Variants in KLHDC7A observed in about 807,000 individuals in gnomAD.
KLHDC7A encodes kelch domain-containing protein 7A.
For missense variants in KLHDC7A, 1,123 were observed against 1,052.6 expected (o/e 1.07, Z -0.93); for synonymous variants, 464 against 461.0 (o/e 1.01, Z -0.08).
At position 18,482,671 on chromosome 1, in the gene KLHDC7A, C is replaced by T. The variant is rs776109893; in HGVS notation, c.1690C>T (p.Pro564Ser). ...CTCCAGCCGCGTCTTCTGCTACAAC[C>T]CGCTCACGGGGATCTGGAGCGAGGT... ...QPSSRVFCYN[P>S]LTGIWSEVCP... The change falls in exon 1 of 1, where the codon CCG becomes TCG. Residue 564 changes from proline (P) to serine (S), a missense_variant. Pro to Ser is a moderately conservative substitution (Grantham distance 74). Coordinates refer to ENST00000400664, the MANE Select transcript of KLHDC7A (RefSeq NM_152375.3). The T allele has an allele frequency of 3.1e-6, 5 of 1,608,974 alleles. No homozygotes were observed. In the Admixed American group the frequency reaches 6.7e-5, roughly 21 times the overall value.
In KLHDC7A at chr1:18,483,358, G is replaced by A. The variant is rs370110689; in HGVS notation, c.*43G>A. On this transcript the variant is annotated 3_prime_UTR_variant, in exon 1 of 1. Transcript: ENST00000400664. Reference sequence around the variant, plus strand: ...TCCTCATGCAAAGCTGGGGGCCACCGGGCTCCACTGCCAGCCGTCCCTCTG... The same window carrying A: ...TCCTCATGCAAAGCTGGGGGCCACCAGGCTCCACTGCCAGCCGTCCCTCTG... 477 of 1,580,290 alleles carry A rather than the reference G, an allele frequency of 3.0e-4. 1 individual carries two copies. Among genetic ancestry groups the A allele is most frequent in the African/African-American group, 2.3e-4 (17 of 74,294 alleles).
At position 18,482,829 on chromosome 1, in the gene KLHDC7A, G is replaced by T. The variant is rs1179415716; in HGVS notation, c.1848G>T (p.Pro616=). 1 of 1,610,722 alleles carries T rather than the reference G, an allele frequency of 6.2e-7. No homozygotes were observed. Among genetic ancestry groups the T allele is most frequent in the South Asian group, 1.1e-5 (1 of 90,882 alleles). The part of the protein sequence containing the change: ...DPRLDRWDFA[P]PLPSDTFALA... ...GCCTGGACCGCTGGGACTTTGCCCC[G>T]CCGCTCCCCAGTGACACGTTCGCCC... The change falls in exon 1 of 1, where the codon CCG becomes CCT. Residue 616 remains proline (P), a synonymous_variant. Transcript: ENST00000400664.
In KLHDC7A at chr1:18,482,959, G is replaced by C; in HGVS notation, c.1978G>C (p.Gly660Arg). ...TGCGCAGGAGCAGCGCTGGTGGGCCGGCCCCACCGGGGGCAGCAAGGACCG... is the reference window on the plus strand; with the variant it reads ...TGCGCAGGAGCAGCGCTGGTGGGCCCGCCCCACCGGGGGCAGCAAGGACCG... ...FSAQEQRWWA[G>R]PTGGSKDRTA... The change falls in exon 1 of 1, where the codon GGC becomes CGC. Residue 660 changes from glycine to arginine, a missense_variant. Physicochemically the swap from Gly to Arg is moderately radical, Grantham distance 125. Coordinates refer to ENST00000400664, the MANE Select transcript of KLHDC7A (RefSeq NM_152375.3). 2 of 1,612,314 alleles carry C rather than the reference G, an allele frequency of 1.2e-6. No individual in the cohort carries two copies. Among genetic ancestry groups the C allele is most frequent in the Non-Finnish European group, 1.7e-6 (2 of 1,179,712 alleles).
chr1:18,482,967 C>T lies in KLHDC7A; in HGVS notation c.1986C>T (p.Thr662=), dbSNP rs142912179. The T allele has an allele frequency of 9.9e-6, 16 of 1,612,492 alleles. No individual in the cohort carries two copies. In the African/African-American group the frequency reaches 1.3e-4, roughly 13 times the overall value. Residue 662 remains threonine, a synonymous_variant, in exon 1 of 1, where the codon ACC becomes ACT. Coordinates refer to ENST00000400664, the MANE Select transcript of KLHDC7A (RefSeq NM_152375.3). The part of the protein sequence containing the change: ...AQEQRWWAGP[T]GGSKDRTAEM... ...AGCAGCGCTGGTGGGCCGGCCCCAC[C>T]GGGGGCAGCAAGGACCGCACGGCCG...
Position 18,482,096 on chromosome 1 carries a change from A to G in KLHDC7A, c.1115A>G (p.Asn372Ser), listed in dbSNP as rs1569987713. Residue 372 changes from asparagine to serine, a missense_variant, in exon 1 of 1, where the codon AAC becomes AGC. Asn to Ser is a conservative substitution (Grantham distance 46). Transcript: ENST00000400664. ...RKESLLQIAE[N>S]PELQLQPDGF... The stretch of plus-strand genomic sequence containing the variant: ...GAGAGCCTTCTGCAGATAGCGGAGA[A>G]CCCAGAGCTGCAGCTGCAGCCAGAT... 6.2e-7 allele frequency: 1 copy of G among 1,612,232 alleles called. No individual in the cohort carries two copies. The highest frequency in any genetic ancestry group is 8.5e-7 in the Non-Finnish European group (1 of 1,179,474).
In KLHDC7A at chr1:18,482,002, G is replaced by A; in HGVS notation, c.1021G>A (p.Gly341Ser). Reference protein sequence around the residue: ...ASGGQAGDTKGAAERAASPQT... With the variant: ...ASGGQAGDTKSAAERAASPQT... ...GGGAGGCCAAGCCGGTGACACAAAG[G>A]GTGCAGCCGAAAGAGCCGCCTCCCC... The change falls in exon 1 of 1, where the codon GGT (glycine) becomes AGT (serine). Residue 341 changes from glycine to serine, a missense_variant. By Grantham distance (56) the Gly-to-Ser change is moderately conservative. Transcript: ENST00000400664. The A allele has an allele frequency of 6.2e-7, 1 of 1,612,944 alleles. No homozygotes were observed. The highest frequency in any genetic ancestry group is 1.7e-4 in the Middle Eastern group (1 of 6,060).
At position 18,481,445 on chromosome 1, in the gene KLHDC7A, C is replaced by A. The variant is rs2086888469; in HGVS notation, c.464C>A (p.Pro155His). 1.2e-6 allele frequency: 2 copies of A among 1,613,840 alleles called. No homozygotes were observed. Among genetic ancestry groups the A allele is most frequent in the Non-Finnish European group, 1.7e-6 (2 of 1,180,036 alleles). The change falls in exon 1 of 1, where the codon CCT becomes CAT. Residue 155 changes from proline to histidine, a missense_variant. Coordinates refer to ENST00000400664, the MANE Select transcript of KLHDC7A (RefSeq NM_152375.3). The stretch of plus-strand genomic sequence containing the variant: ...ACAGCTGTTGGCAGTAACCCTGACC[C>A]TCCCCATTTCCCCCGCTTGGGCAGC... ...TRTAVGSNPD[P>H]PHFPRLGSEP...
At position 18,481,057 on chromosome 1, in the gene KLHDC7A, G is replaced by C; in HGVS notation, c.76G>C (p.Ala26Pro). The C allele has an allele frequency of 6.2e-7, 1 of 1,613,562 alleles. No homozygotes were observed. Among genetic ancestry groups the C allele is most frequent in the Non-Finnish European group, 8.5e-7 (1 of 1,179,766 alleles). The change falls in exon 1 of 1, where the codon GCT becomes CCT. Residue 26 changes from alanine (A) to proline (P), a missense_variant. Coordinates refer to ENST00000400664, the MANE Select transcript of KLHDC7A (RefSeq NM_152375.3). ...QLTGKVVLSA[A>P]ALLLVTVAYR... ...GACCGGCAAGGTGGTGCTGTCAGCC[G>C]CTGCCCTGCTCCTGGTGACTGTGGC...
At position 18,484,988 on chromosome 1, in the gene KLHDC7A, T is replaced by C. The variant is rs1235219990; in HGVS notation, c.*1673T>C. The C allele has an allele frequency of 6.0e-6, 1 of 167,114 alleles. No individual in the cohort carries two copies. Among genetic ancestry groups the C allele is most frequent in the Non-Finnish European group, 1.5e-5 (1 of 68,172 alleles). 10.4% of individuals were successfully genotyped at this position (167,114 alleles called of 1,614,324 possible). ...AGGAAGGGAAAGTCAGCTGGGGCCA[T>C]GGCTACCTTCTTGGGAGAGTGACCC... On this transcript the variant is annotated 3_prime_UTR_variant, in exon 1 of 1. Coordinates refer to ENST00000400664, the MANE Select transcript of KLHDC7A (RefSeq NM_152375.3).
rs781222800 is a variant in KLHDC7A, at chr1:18,482,633, C to T, written c.1652C>T (p.Pro551Leu). ...TTCGTGGTGTCCGGCTGCCAGGGGC[C>T]CGGGCACCAGCCCTCCAGCCGCGTC... ...YLFVVSGCQG[P>L]GHQPSSRVFC... The change falls in exon 1 of 1, where the codon CCC becomes CTC. Residue 551 changes from proline to leucine, a missense_variant. By Grantham distance (98) the Pro-to-Leu change is moderately conservative. Transcript: ENST00000400664. 1 of 1,608,834 alleles carries T rather than the reference C, an allele frequency of 6.2e-7. No homozygotes were observed. The highest frequency in any genetic ancestry group is 1.1e-5 in the South Asian group (1 of 90,966).
rs747089231 is a variant in KLHDC7A at position 18,482,463 on chromosome 1, G to A, written c.1482G>A (p.Leu494=). The change falls in exon 1 of 1, where the codon CTG becomes CTA. Residue 494 remains leucine (L), a synonymous_variant. Transcript: ENST00000400664. ...LQRRLRGRQY[L]VVADVCPKED... ...GCCGGCTCCGGGGCCGCCAGTACCT[G>A]GTGGTGGCTGACGTGTGCCCCAAGG... 5.0e-6 allele frequency: 8 copies of A among 1,611,048 alleles called. No individual in the cohort carries two copies. The East Asian group carries it at 1.3e-4, about 27-fold the overall frequency.
chr1:18,483,097 G>A lies in KLHDC7A; in HGVS notation c.2116G>A (p.Ala706Thr), dbSNP rs370691592. ...CAGCACCCGGCTCTGGTACGAGTGC[G>A]CCACGTACCGGACGCCTTACCCGGA... is the stretch of plus-strand genomic sequence containing the variant. ...SASTRLWYECATYRTPYPDAF... is the reference protein window; with the variant it reads ...SASTRLWYECTTYRTPYPDAF... Residue 706 changes from alanine (A) to threonine (T), a missense_variant, in exon 1 of 1, where the codon GCC (alanine) becomes ACC (threonine). Physicochemically the swap from Ala to Thr is moderately conservative, Grantham distance 58. Transcript: ENST00000400664. 5 of 1,613,666 alleles carry A rather than the reference G, an allele frequency of 3.1e-6. No homozygotes were observed. The African/African-American group carries it at 4.0e-5, about 13-fold the overall frequency.
Position 18,481,661 on chromosome 1 carries a change from G to T in KLHDC7A, c.680G>T (p.Arg227Leu). The T allele has an allele frequency of 6.2e-7, 1 of 1,614,094 alleles. No homozygotes were observed. The highest frequency in any genetic ancestry group is 8.5e-7 in the Non-Finnish European group (1 of 1,180,032). The change falls in exon 1 of 1, where the codon CGT (arginine) becomes CTT (leucine). Residue 227 changes from arginine (R) to leucine (L), a missense_variant. Physicochemically the swap from Arg to Leu is moderately radical, Grantham distance 102. Transcript: ENST00000400664. ...SDMNQSWVFT[R>L]VIGVSREEAG... ...ATGAACCAGAGCTGGGTCTTCACCC[G>T]TGTGATAGGGGTCAGCAGAGAAGAG...
In KLHDC7A at chr1:18,481,456, C is replaced by T. The variant is rs185173811; in HGVS notation, c.475C>T (p.Pro159Ser). Residue 159 changes from proline (P) to serine (S), a missense_variant, in exon 1 of 1, where the codon CCC becomes TCC. Physicochemically the swap from Pro to Ser is moderately conservative, Grantham distance 74. Coordinates refer to ENST00000400664, the MANE Select transcript of KLHDC7A (RefSeq NM_152375.3). ...CAGTAACCCTGACCCTCCCCATTTC[C>T]CCCGCTTGGGCAGCGAACCGAAGAG... Reference protein sequence around the residue: ...VGSNPDPPHFPRLGSEPKSSP... With the variant: ...VGSNPDPPHFSRLGSEPKSSP... 1 of 1,613,770 alleles carries T rather than the reference C, an allele frequency of 6.2e-7. No homozygotes were observed. The highest frequency in any genetic ancestry group is 1.7e-5 in the Admixed American group (1 of 60,028).
In KLHDC7A at chr1:18,482,969, G is replaced by T. The variant is rs745394300; in HGVS notation, c.1988G>T (p.Gly663Val). Residue 663 changes from glycine (G) to valine (V), a missense_variant, in exon 1 of 1, where the codon GGG becomes GTG. By Grantham distance (109) the Gly-to-Val change is moderately radical. Coordinates refer to ENST00000400664, the MANE Select transcript of KLHDC7A (RefSeq NM_152375.3). ...QEQRWWAGPT[G>V]GSKDRTAEMV... is the part of the protein sequence containing the mutation. The stretch of plus-strand genomic sequence containing the variant: ...CAGCGCTGGTGGGCCGGCCCCACCG[G>T]GGGCAGCAAGGACCGCACGGCCGAG... 3.7e-6 allele frequency: 6 copies of T among 1,612,728 alleles called. No individual in the cohort carries two copies. In the South Asian group the frequency reaches 5.5e-5, roughly 15 times the overall value.
At position 18,482,693 on chromosome 1, in the gene KLHDC7A, AG is replaced by A; in HGVS notation, c.1714del (p.Val572CysfsTer4). The A allele has an allele frequency of 6.2e-7, 1 of 1,609,664 alleles. No individual in the cohort carries two copies. The highest frequency in any genetic ancestry group is 8.5e-7 in the Non-Finnish European group (1 of 1,179,330). On this transcript the variant is annotated frameshift_variant, in exon 1 of 1. Coordinates refer to ENST00000400664, the MANE Select transcript of KLHDC7A (RefSeq NM_152375.3). LOFTEE classifies it low-confidence loss of function (END_TRUNC). ...AACCCGCTCACGGGGATCTGGAGCG[AG>A]GTGTGCCCGCTGAACCAGGCCCGGC... ...CYNPLTGIWS[E>X]VCPLNQARPH...
chr1:18,481,042 G>A lies in KLHDC7A; in HGVS notation c.61G>A (p.Val21Met). Residue 21 changes from valine to methionine, a missense_variant, in exon 1 of 1, where the codon GTG becomes ATG. Transcript: ENST00000400664. ...TTTGGATATGCAGCTGACCGGCAAGGTGGTGCTGTCAGCCGCTGCCCTGCT... is the reference window on the plus strand; with the variant it reads ...TTTGGATATGCAGCTGACCGGCAAGATGGTGCTGTCAGCCGCTGCCCTGCT... ...WHLDMQLTGKVVLSAAALLLV... is the reference protein window; with the variant it reads ...WHLDMQLTGKMVLSAAALLLV... 6.2e-7 allele frequency: 1 copy of A among 1,612,992 alleles called. No homozygotes were observed. Among genetic ancestry groups the A allele is most frequent in the Middle Eastern group, 1.7e-4 (1 of 6,012 alleles).
chr1:18,482,832 G>C lies in KLHDC7A; in HGVS notation c.1851G>C (p.Pro617=). 6.2e-7 allele frequency: 1 copy of C among 1,610,810 alleles called. No homozygotes were observed. Among genetic ancestry groups the C allele is most frequent in the South Asian group, 1.1e-5 (1 of 90,902 alleles). ...PRLDRWDFAP[P]LPSDTFALAH... Reference sequence around the variant, plus strand: ...TGGACCGCTGGGACTTTGCCCCGCCGCTCCCCAGTGACACGTTCGCCCTGG... The same window carrying C: ...TGGACCGCTGGGACTTTGCCCCGCCCCTCCCCAGTGACACGTTCGCCCTGG... The change falls in exon 1 of 1, where the codon CCG becomes CCC. Residue 617 remains proline (P), a synonymous_variant. Transcript: ENST00000400664.
chr1:18,485,473 T>A lies in KLHDC7A; in HGVS notation c.*2158T>A, dbSNP rs754994757. ...TTTGGGCCTGGGCTGGGAAGAGGAG[T>A]ACACAGTCCATCTGATCCACCTCTC... On this transcript the variant is annotated 3_prime_UTR_variant, in exon 1 of 1. Coordinates refer to ENST00000400664, the MANE Select transcript of KLHDC7A (RefSeq NM_152375.3). 6.2e-6 allele frequency: 1 copy of A among 162,284 alleles called. No individual in the cohort carries two copies. The highest frequency in any genetic ancestry group is 1.5e-5 in the Non-Finnish European group (1 of 67,278). 10.1% of individuals were successfully genotyped at this position (162,284 alleles called of 1,614,324 possible). A position where few individuals can be genotyped will look rare whatever the true frequency, so the allele number is the denominator to read the frequency against.
Sources: gnomAD v4.1 joint callset for allele counts on GRCh38, gnomAD v4.1.1 for gene constraint, MANE v1.5 for transcripts, NCBI Gene and HGNC (gene_info 2026-07-23, HGNC 2026-07-21) for gene names.